The following NTRK2 variants were observed in gnomAD, a reference collection of about 807,000 sequenced individuals.
NTRK2 encodes the protein BDNF/NT-3 growth factors receptor.
Under a neutral mutation model 94.5 loss-of-function variants are expected in NTRK2, and 13 were observed. That is an observed-to-expected ratio of 0.14 (90% CI 0.09 to 0.22). The LOEUF is 0.22. Ranked by LOEUF, NTRK2 falls within the 10% of genes least tolerant of loss-of-function variation. The probability of loss-of-function intolerance (pLI) is 1.00; values close to 1 mark genes in which losing one functional copy is unlikely to be tolerated. For missense variants in NTRK2, 639 were observed against 1,071.2 expected (o/e 0.60, Z 5.63); for synonymous variants, 372 against 407.4 (o/e 0.91, Z 1.05).
intron 14 of NTRK2, among the ~76,000 whole-genome samples, chr9:84,900,292 G>A (rs1461553068): frequency 6.6e-6 from 1 of 152,144 alleles, no homozygotes; most frequent in African/African-American, 2.4e-5. Flanking sequence ...GGTCTCACAG[G>A]TAGTAAAGAG....
chr9:84,930,720 G>A (rs149073769), intron 14 of NTRK2, among the ~76,000 whole-genome samples: 3 of 152,256 alleles, frequency 2.0e-5, no homozygotes, highest in South Asian at 2.1e-4. Context: ...GGGCATAAGC[G>A]ATCCACATTG....
chr9:84,720,530 A>G (rs912374928), intron 6 of NTRK2, among the ~76,000 whole-genome samples: 1 of 152,192 alleles, frequency 6.6e-6, no homozygotes, highest in East Asian at 1.9e-4. Flanking sequence ...GGCCAATAAT[A>G]TTGTCCTACA....
At chr9:84,826,783 G>C (rs1010063296) in intron 12 of NTRK2, among the ~76,000 whole-genome samples, 2 of 152,140 alleles carry the variant, frequency 1.3e-5, no homozygotes, top group Non-Finnish European at 2.9e-5. Context: ...ATTGTCTATA[G>C]CTATTACCAC....
chr9:84,842,245 A>G (rs1003870488), intron 12 of NTRK2, among the ~76,000 whole-genome samples: 5 of 152,134 alleles, frequency 3.3e-5, no homozygotes, highest in African/African-American at 1.2e-4. Flanking sequence ...TGACCTCTCT[A>G]TCTGCACTTC....
intron 9 of NTRK2, among the ~76,000 whole-genome samples, chr9:84,730,868 T>G (rs1378740001): frequency 6.9e-6 from 1 of 145,750 alleles, no homozygotes; most frequent in African/African-American, 2.5e-5. Flanking sequence ...TGGCTTTATA[T>G]TCCATTAATA....
chr9:84,701,162 G>A (rs1181622781), intron 2 of NTRK2, among the ~76,000 whole-genome samples: 1 of 152,226 alleles, frequency 6.6e-6, no homozygotes, highest in Non-Finnish European at 1.5e-5. Context: ...GATTGCAAAT[G>A]ATAGAACTTA....
chr9:84,870,073 T>C (rs1438729652), intron 14 of NTRK2, among the ~76,000 whole-genome samples: 3 of 143,370 alleles, frequency 2.1e-5, no homozygotes, highest in Non-Finnish European at 4.5e-5. Context: ...AGAACTTAGA[T>C]TTCAATTAGA....
At chr9:84,873,012 G>A in intron 14 of NTRK2, 4 of 1,063,492 alleles carry the variant, frequency 3.8e-6, no homozygotes, top group South Asian at 9.1e-5. Flanking sequence ...GAGTACACAT[G>A]AGCAAAAATT....
chr9:84,898,484 T>C (rs2076826271), intron 14 of NTRK2, among the ~76,000 whole-genome samples: 2 of 133,580 alleles, frequency 1.5e-5, no homozygotes, highest in Non-Finnish European at 3.3e-5. Flanking sequence ...TTTCAGTTTC[T>C]TTCTTTCTTT....
chr9:84,845,875 A>G (rs1357414754), intron 12 of NTRK2, among the ~76,000 whole-genome samples: 2 of 151,956 alleles, frequency 1.3e-5, no homozygotes, highest in Non-Finnish European at 2.9e-5. Flanking sequence ...CCACTAAAGA[A>G]TTCATCCATG....
chr9:84,772,305 A>T (rs1279811756), intron 12 of NTRK2, among the ~76,000 whole-genome samples: 1 of 151,990 alleles, frequency 6.6e-6, no homozygotes, highest in Non-Finnish European at 1.5e-5. Context: ...CCCAGGCTGG[A>T]CTGCAGTGGC....
chr9:84,741,911 T>C lies in NTRK2; in HGVS notation c.1179T>C (p.Pro393=), dbSNP rs1449309807. The change falls in exon 10 of 19, where the codon CCT becomes CCC. Residue 393 remains proline, a synonymous_variant. Transcript: ENST00000277120. ...GIDDGANPNY[P]DVIYEDYGTA... ...TTTTAGGTGCAAACCCAAATTATCC[T>C]GATGTAATTTATGAAGGTAGCTATC... The C allele has an allele frequency of 6.2e-7, 1 of 1,612,932 alleles. No individual in the cohort carries two copies.
rs181943552 is a variant in NTRK2 at position 84,755,895 on chromosome 9, A to G, written c.1396+3810A>G. On this transcript the variant is annotated intron_variant, in intron 12 of 18. Coordinates refer to ENST00000277120, the MANE Select transcript of NTRK2 (RefSeq NM_006180.6). ...CCAATAGGCTCCCGGCCCTGTTTCC[A>G]TAAAGATGTCAAGGGGTAGAATATC... Among the ~76,000 whole-genome samples, 37 of 152,240 alleles carry G rather than the reference A, an allele frequency of 2.4e-4. 2 individuals carry two copies. The highest frequency in any genetic ancestry group is 2.4e-3 in the Admixed American group (36 of 15,298).
At chr9:84,709,722 T>C (rs535796487) in intron 5 of NTRK2, among the ~76,000 whole-genome samples, 2 of 152,330 alleles carry the variant, frequency 1.3e-5, no homozygotes, top group Admixed American at 6.5e-5. Flanking sequence ...ATTTAAAGGC[T>C]CATTACCATA....
chr9:84,821,593 G>A (rs1043184992), intron 12 of NTRK2, among the ~76,000 whole-genome samples: 1 of 152,142 alleles, frequency 6.6e-6, no homozygotes, highest in African/African-American at 2.4e-5. Flanking sequence ...TCCGTTCTGA[G>A]CTCCAAGATG....
At chr9:84,924,723 A>G (rs950256774) in intron 14 of NTRK2, among the ~76,000 whole-genome samples, 1 of 152,238 alleles carries the variant, frequency 6.6e-6, no homozygotes, top group Non-Finnish European at 1.5e-5. Flanking sequence ...ATTTAACTTC[A>G]AATAATTCCA....
chr9:84,736,433 A>G (rs1347034290), intron 9 of NTRK2, among the ~76,000 whole-genome samples: 2 of 152,226 alleles, frequency 1.3e-5, no homozygotes, highest in Non-Finnish European at 2.9e-5. Context: ...AGAATGCCCC[A>G]CACTGGTGGA....
chr9:84,967,330 C>T (rs1825675071), intron 17 of NTRK2, among the ~76,000 whole-genome samples: 1 of 152,240 alleles, frequency 6.6e-6, no homozygotes, highest in Non-Finnish European at 1.5e-5. Flanking sequence ...CAGACCCCTG[C>T]TGGCCTTCTC....
At chr9:84,785,491 T>C (rs1456435635) in intron 12 of NTRK2, among the ~76,000 whole-genome samples, 4 of 152,176 alleles carry the variant, frequency 2.6e-5, no homozygotes, top group Non-Finnish European at 4.4e-5. Context: ...GCCCTTGCAG[T>C]CAAGTGGCTT....
Sources: allele counts gnomAD v4.1 joint callset (sites outside exome capture counted in the v4.1 genomes callset), GRCh38; gene constraint gnomAD v4.1.1; transcripts MANE v1.5; gene names NCBI Gene and HGNC (gene_info 2026-07-23, HGNC 2026-07-21).